Variants in PTPRU observed in about 807,000 individuals in gnomAD.
PTPRU encodes receptor-type tyrosine-protein phosphatase U.
Under a neutral mutation model 166.3 loss-of-function variants are expected in PTPRU, and 69 were observed. The observed-to-expected ratio is 0.41, with a 90% CI of 0.34 to 0.51. The LOEUF is 0.51. Ranked by LOEUF, PTPRU falls within the 20% of genes least tolerant of loss-of-function variation. The pLI is 0.09. For synonymous variants in PTPRU, 793 were observed against 814.0 expected, an observed-to-expected ratio of 0.97 and a Z score of 0.44; for missense variants, 1,657 against 2,013.7, an observed-to-expected ratio of 0.82 and a Z score of 3.39.
chr1:29,236,697 C>G lies in PTPRU; in HGVS notation c.53C>G (p.Pro18Arg). The G allele has an allele frequency of 6.8e-7, 1 of 1,466,714 alleles. No homozygotes were observed. The highest frequency in any genetic ancestry group is 9.0e-7 in the Non-Finnish European group (1 of 1,111,156). 90.9% of individuals were successfully genotyped at this position (1,466,714 alleles called of 1,614,324 possible). A position where few individuals can be genotyped will look rare whatever the true frequency, so the allele number is the denominator to read the frequency against. ...VLALTFQLCA[P>R]ETETPAAGCT... is the part of the protein sequence containing the mutation. ...GCACTCACCTTCCAGCTCTGCGCGC[C>G]GGAGACCGAGACTCCGGCAGGTAAG... The change falls in exon 1 of 30, where the codon CCG becomes CGG. Residue 18 changes from proline (P) to arginine (R), a missense_variant. Pro to Arg is a moderately radical substitution (Grantham distance 103, BLOSUM62 -2). This residue lies in a region of PTPRU where 453 missense variants were observed against 496.9 expected (regional missense o/e 0.91). Coordinates refer to ENST00000373779, the MANE Select transcript of PTPRU (RefSeq NM_133178.4). This position sits in a 1 kb window ranked among gnomAD's most constrained non-coding sequence, Gnocchi z 4.6.
At chr1:29,281,292 G>T (rs1334704284) in intron 11 of PTPRU, among the ~76,000 whole-genome samples, 2 of 152,166 alleles carry the variant, frequency 1.3e-5, no homozygotes, top group African/African-American at 4.8e-5. Context: ...CCTCAGGGAA[G>T]ACCCAGGAAA....
rs775918117 is a variant in PTPRU, at chr1:29,320,043, A to G, written c.3688-642A>G. Among the ~76,000 whole-genome samples, 1 of 152,234 alleles carries G rather than the reference A, an allele frequency of 6.6e-6. No homozygotes were observed. Among genetic ancestry groups the G allele is most frequent in the African/African-American group, 2.4e-5 (1 of 41,458 alleles). On this transcript the variant is annotated intron_variant, in intron 25 of 29. Coordinates refer to ENST00000373779, the MANE Select transcript of PTPRU (RefSeq NM_133178.4). The surrounding 1 kb of genome is among the most constrained non-coding windows in gnomAD (Gnocchi z 5.2). ...TGGAAGGGACCTAGAGATTTATTCA[A>G]AATATTTATTGAGCCCCTACAGGGT...
chr1:29,257,012 G>A lies in PTPRU; in HGVS notation c.206-1493G>A, dbSNP rs1684799977. On this transcript the variant is annotated intron_variant, in intron 2 of 29. Coordinates refer to ENST00000373779, the MANE Select transcript of PTPRU (RefSeq NM_133178.4). This position sits in a 1 kb window ranked among gnomAD's most constrained non-coding sequence, Gnocchi z 4.6. ...CATTCTAGGAATGGGAGCTGGTGGT[G>A]GAGGGAGAAGAAAGGAGGGAGATTC... Among the ~76,000 whole-genome samples, 1 of 152,104 alleles carries A rather than the reference G, an allele frequency of 6.6e-6. No individual in the cohort carries two copies. Among genetic ancestry groups the A allele is most frequent in the African/African-American group, 2.4e-5 (1 of 41,404 alleles).
In PTPRU at chr1:29,271,445, A is replaced by T. The variant is rs1307845355; in HGVS notation, c.1145-4003A>T. 6.6e-6 allele frequency among the ~76,000 whole-genome samples: 1 copy of T among 152,212 alleles called. No individual in the cohort carries two copies. Among genetic ancestry groups the T allele is most frequent in the Non-Finnish European group, 1.5e-5 (1 of 68,040 alleles). On this transcript the variant is annotated intron_variant, in intron 7 of 29. Coordinates refer to ENST00000373779, the MANE Select transcript of PTPRU (RefSeq NM_133178.4). The surrounding 1 kb of genome is among the most constrained non-coding windows in gnomAD (Gnocchi z 4.4). The stretch of plus-strand genomic sequence containing the variant: ...AGAAAAGTGGACCTTCTTTTCAAAG[A>T]GCTCTCAGTCTACCTGGGTGGATGG...
chr1:29,285,862 T>C (rs562818998), intron 14 of PTPRU, among the ~76,000 whole-genome samples: 2 of 152,312 alleles, frequency 1.3e-5, no homozygotes, highest in East Asian at 3.9e-4. Flanking sequence ...CGTGGGACAC[T>C]GTGGTCCAAG....
At chr1:29,316,224 C>A in intron 24 of PTPRU, 73 bp downstream of exon 24, 2 of 1,498,432 alleles carry the variant, frequency 1.3e-6, no homozygotes, top group Non-Finnish European at 1.8e-6. Flanking sequence ...CTTAATACTG[C>A]AGGAGTCATT....
intron 14 of PTPRU, among the ~76,000 whole-genome samples, chr1:29,285,155 G>T (rs1686283685): frequency 6.6e-6 from 1 of 152,170 alleles, no homozygotes; most frequent in African/African-American, 2.4e-5. Flanking sequence ...AAGGAGCTAT[G>T]CCTGCTGGGA....
rs944766817 is a variant in PTPRU at position 29,326,547 on chromosome 1, G to A, written c.*886G>A. 4 of 152,662 alleles carry A rather than the reference G, an allele frequency of 2.6e-5. No individual in the cohort carries two copies. The highest frequency in any genetic ancestry group is 9.7e-5 in the African/African-American group (4 of 41,450). 9.5% of individuals were successfully genotyped at this position (152,662 alleles called of 1,614,324 possible). On this transcript the variant is annotated 3_prime_UTR_variant, in exon 30 of 30. Transcript: ENST00000373779. The stretch of plus-strand genomic sequence containing the variant: ...CGTTGTGGGGAGGGGCAGTGTTAGA[G>A]CAGGGCTGGTCATACCCTCTGGAGT...
intron 15 of PTPRU, 51 bp downstream of exon 15, chr1:29,292,077 C>G (rs1557457153): frequency 8.1e-6 from 13 of 1,601,700 alleles, no homozygotes; most frequent in Non-Finnish European, 1.0e-5. Flanking sequence ...GGCTCCCAAC[C>G]TGAGACAATA....
In PTPRU at chr1:29,315,562, C is replaced by T. The variant is rs141829637; in HGVS notation, c.3363+55C>T. 1,472 of 1,607,466 alleles carry T rather than the reference C, an allele frequency of 9.2e-4. 5 individuals carry two copies. The Middle Eastern group carries it at 9.9e-3, about 11-fold the overall frequency. On this transcript the variant is annotated intron_variant, in intron 23 of 29. Transcript: ENST00000373779. The surrounding 1 kb of genome is among the most constrained non-coding windows in gnomAD (Gnocchi z 4.5). ...TATTACTTCTAGGACTGGAGTTTCTCGTGAAGGATCCTGGAGCCGGCAGAG... is the reference window on the plus strand; with the variant it reads ...TATTACTTCTAGGACTGGAGTTTCTTGTGAAGGATCCTGGAGCCGGCAGAG...
chr1:29,304,176 A>G lies in PTPRU; in HGVS notation c.2667+131A>G, dbSNP rs1687275415. The G allele has an allele frequency of 3.8e-6, 4 of 1,058,840 alleles. No individual in the cohort carries two copies. In the Admixed American group the frequency reaches 1.2e-4, roughly 31 times the overall value. The allele number at this position is 1,058,840 out of a possible 1,614,324, so 65.6% of individuals were successfully genotyped here. On this transcript the variant is annotated intron_variant, in intron 16 of 29. Coordinates refer to ENST00000373779, the MANE Select transcript of PTPRU (RefSeq NM_133178.4). ...GCCTGCTCTGACAGTTTCCAACTCA[A>G]CCTTTTTGACCTCGACTCTGACCCT...
In PTPRU at chr1:29,245,345, G is replaced by A. The variant is rs1389267; in HGVS notation, c.73+8628G>A. 4.7e-3 allele frequency among the ~76,000 whole-genome samples: 715 copies of A among 152,218 alleles called. 4 individuals carry two copies. Among genetic ancestry groups the A allele is most frequent in the African/African-American group, 0.017 (686 of 41,522 alleles). ...AGGGAGACAAGCCAGATGAGATTTC[G>A]GCCCCCAACTTGTGGGGTGAGCCAG... On this transcript the variant is annotated intron_variant, in intron 1 of 29. Coordinates refer to ENST00000373779, the MANE Select transcript of PTPRU (RefSeq NM_133178.4).
chr1:29,263,019 T>G (rs552696936), intron 7 of PTPRU, among the ~76,000 whole-genome samples: 1 of 152,332 alleles, frequency 6.6e-6, no homozygotes, highest in South Asian at 2.1e-4. Flanking sequence ...GGAGTTTCAC[T>G]CTGTCGCCAG....
chr1:29,260,101 C>G lies in PTPRU; in HGVS notation c.850+57C>G. ...CCTCACCCTCGAGGGGCGGGGCCGGCGACGGGGGCGGGCTCTGCCCGGGGG... is the reference window on the plus strand; with the variant it reads ...CCTCACCCTCGAGGGGCGGGGCCGGGGACGGGGGCGGGCTCTGCCCGGGGG... On this transcript the variant is annotated intron_variant, in intron 6 of 29. Coordinates refer to ENST00000373779, the MANE Select transcript of PTPRU (RefSeq NM_133178.4). This position sits in a 1 kb window ranked among gnomAD's most constrained non-coding sequence, Gnocchi z 8.3. 2.5e-6 allele frequency: 3 copies of G among 1,224,226 alleles called. No homozygotes were observed. The highest frequency in any genetic ancestry group is 3.1e-6 in the Non-Finnish European group (3 of 976,450). 75.8% of individuals were successfully genotyped at this position (1,224,226 alleles called of 1,614,324 possible).
At chr1:29,306,654 G>C (rs562732163) in intron 18 of PTPRU, among the ~76,000 whole-genome samples, 1 of 152,116 alleles carries the variant, frequency 6.6e-6, no homozygotes, top group Admixed American at 6.5e-5. Context: ...AGAGTGTCCC[G>C]GGTGAGGAGC....
Position 29,326,479 on chromosome 1 carries a change from A to G in PTPRU, c.*818A>G, listed in dbSNP as rs1426655684. ...GTGACAATCTGCAAGGCTGAACAAC[A>G]GCCCCTGGGGTTGAGGCCCCTGTGG... On this transcript the variant is annotated 3_prime_UTR_variant, in exon 30 of 30. Transcript: ENST00000373779. 1 of 152,734 alleles carries G rather than the reference A, an allele frequency of 6.5e-6. No homozygotes were observed. The highest frequency in any genetic ancestry group is 1.9e-4 in the East Asian group (1 of 5,176). The allele number at this position is 152,734 out of a possible 1,614,324, so 9.5% of individuals were successfully genotyped here. A position where few individuals can be genotyped will look rare whatever the true frequency, so the allele number is the denominator to read the frequency against.
chr1:29,240,521 CTGGA>C (rs1443023324), intron 1 of PTPRU, among the ~76,000 whole-genome samples: 4 of 152,124 alleles, frequency 2.6e-5, no homozygotes, highest in African/African-American at 9.7e-5. Context: ...CTCCAGGAAT[CTGGA>C]AAATTCCTGG....
chr1:29,294,975 A>AACGTGAAGCTGTGCC (rs1553125045), intron 15 of PTPRU, among the ~76,000 whole-genome samples: 1 of 152,116 alleles, frequency 6.6e-6, no homozygotes, highest in Non-Finnish European at 1.5e-5. Context: ...TGATATCTGA[A>AACGTGAAGCTGTGCC]ACATGAAGCT....
Position 29,280,649 on chromosome 1 carries a change from CTGTGTGTG to C in PTPRU, c.1868+532_1868+539del, listed in dbSNP as rs140481299. Among the ~76,000 whole-genome samples, 17 of 144,110 alleles carry C rather than the reference CTGTGTGTG, an allele frequency of 1.2e-4. No individual in the cohort carries two copies. Among genetic ancestry groups the C allele is most frequent in the East Asian group, 2.1e-4 (1 of 4,738 alleles). 94.5% of individuals were successfully genotyped at this position (144,110 alleles called of 152,430 possible). ...TGGGGAGAGGGTGCTGGAGACAAGA[CTGTGTGTG>C]TGTGTGTGTGTGTGTGTGTGTGTAT... On this transcript the variant is annotated intron_variant, in intron 11 of 29. Coordinates refer to ENST00000373779, the MANE Select transcript of PTPRU (RefSeq NM_133178.4). The surrounding 1 kb of genome is among the most constrained non-coding windows in gnomAD (Gnocchi z 4.2).
Sources: gnomAD v4.1 joint callset for allele counts (sites outside exome capture counted in the v4.1 genomes callset) on GRCh38, gnomAD v4.1.1 for gene constraint, gnomAD v4.1.1 regional missense constraint, Gnocchi (gnomAD v3.1) non-coding constraint, MANE v1.5 for transcripts, NCBI Gene and HGNC (gene_info 2026-07-23, HGNC 2026-07-21) for gene names.